CSMD1: variants seen among roughly 807,000 people sequenced by gnomAD.
CSMD1 encodes CUB and Sushi multiple domains 1, also known as CUB and sushi domain-containing protein 1.
CSMD1 carries 213 observed loss-of-function variants against 417.5 expected under a neutral mutation model. The ratio of observed to expected loss-of-function variants is 0.51; its 90% CI spans 0.46 to 0.57. CSMD1 has a LOEUF of 0.57. Ranked by LOEUF, CSMD1 falls within the 20% of genes least tolerant of loss-of-function variation. The pLI, the probability that CSMD1 is intolerant of heterozygous loss-of-function variation, is 0.00. For missense variants in CSMD1, 6,923 were observed against 4,529.7 expected (o/e 1.53, Z -15.17); for synonymous variants, 2,862 against 1,736.8 (o/e 1.65, Z -16.11).
chr8:4,522,930 T>C (rs1803550168), intron 2 of CSMD1, among the ~76,000 whole-genome samples: 2 of 152,202 alleles, frequency 1.3e-5, no homozygotes, highest in Admixed American at 1.3e-4. Context: ...ATTGCTGTTA[T>C]CCTTGCTCTA....
rs76822739 is a variant in CSMD1 at position 3,191,653 on chromosome 8, C to G, written c.5195-1538G>C. Among the ~76,000 whole-genome samples the G allele has an allele frequency of 3.9e-3, 598 of 152,102 alleles. 2 individuals carry two copies. Among genetic ancestry groups the G allele is most frequent in the African/African-American group, 0.013 (542 of 41,474 alleles). On this transcript the variant is annotated intron_variant, in intron 33 of 69. Coordinates refer to ENST00000635120, the MANE Select transcript of CSMD1 (RefSeq NM_033225.6). Reference sequence around the variant, plus strand: ...TCAGTGCAACGTGTGGGTGAGATAACTATTCAGGTTGTATGGCAGAAATTA... The same window carrying G: ...TCAGTGCAACGTGTGGGTGAGATAAGTATTCAGGTTGTATGGCAGAAATTA...
intron 1 of CSMD1, among the ~76,000 whole-genome samples, chr8:4,955,243 C>G (rs1809013680): frequency 1.3e-5 from 2 of 152,122 alleles, no homozygotes; most frequent in Admixed American, 6.5e-5. Flanking sequence ...TGCAATGCAT[C>G]TTTGAAACAC....
intron 2 of CSMD1, among the ~76,000 whole-genome samples, chr8:4,498,911 C>T (rs1457956119): frequency 1.3e-5 from 2 of 152,074 alleles, no homozygotes; most frequent in Admixed American, 6.6e-5. Flanking sequence ...TGATTTAGAT[C>T]ACAGGGCTCA....
intron 1 of CSMD1, among the ~76,000 whole-genome samples, chr8:4,799,530 C>T (rs1349891795): frequency 3.2e-5 from 4 of 124,338 alleles, no homozygotes; most frequent in Admixed American, 2.1e-4. Flanking sequence ...ACCCAGGAGG[C>T]GGAGGTTGCA....
chr8:3,693,071 T>A (rs942121537), intron 7 of CSMD1, among the ~76,000 whole-genome samples: 1 of 152,188 alleles, frequency 6.6e-6, no homozygotes, highest in African/African-American at 2.4e-5. Flanking sequence ...TAATCAGGAA[T>A]ACATTTATTC....
At position 3,512,495 on chromosome 8, in the gene CSMD1, ATGACCACATGAACGGC is replaced by A. The variant is rs1797117666; in HGVS notation, c.1345-18785_1345-18770del. 3.9e-5 allele frequency among the ~76,000 whole-genome samples: 6 copies of A among 152,168 alleles called. No individual in the cohort carries two copies. The South Asian group carries it at 1.0e-3, about 26-fold the overall frequency. On this transcript the variant is annotated intron_variant, in intron 10 of 69. Transcript: ENST00000635120. ...GGATGCTGTAAGAGGCACTGAAAGAATGACCACATGAACGGCTGGGCTGGTGGGCTGGTGGGCTGGT... is the reference window on the plus strand; with the variant it reads ...GGATGCTGTAAGAGGCACTGAAAGAATGGGCTGGTGGGCTGGTGGGCTGGT...
At chr8:4,990,599 T>C (rs1166309665) in intron 1 of CSMD1, among the ~76,000 whole-genome samples, 2 of 152,140 alleles carry the variant, frequency 1.3e-5, no homozygotes, top group African/African-American at 4.8e-5. Flanking sequence ...CCTTTGATGA[T>C]CCACCCACCT....
intron 12 of CSMD1, among the ~76,000 whole-genome samples, chr8:3,438,921 G>C (rs1241756675): frequency 6.6e-6 from 1 of 151,386 alleles, no homozygotes; most frequent in Non-Finnish European, 1.5e-5. Context: ...TTCAAGATGA[G>C]TCTGGCCAAC....
chr8:4,394,229 A>C (rs1804054128), intron 3 of CSMD1, among the ~76,000 whole-genome samples: 2 of 152,198 alleles, frequency 1.3e-5, no homozygotes, highest in Non-Finnish European at 2.9e-5. Flanking sequence ...AAAAACAGTA[A>C]TTATTTTATT....
At position 4,309,443 on chromosome 8, in the gene CSMD1, TTAA is replaced by T. The variant is rs1798437773; in HGVS notation, c.415+110507_415+110509del. ...AATTAAATTCAAAATTTTTATAATT[TTAA>T]TATTATGAAAGACGAGAAAAAATAA... On this transcript the variant is annotated intron_variant, in intron 3 of 69. Coordinates refer to ENST00000635120, the MANE Select transcript of CSMD1 (RefSeq NM_033225.6). 3.3e-5 allele frequency among the ~76,000 whole-genome samples: 5 copies of T among 149,444 alleles called. No individual in the cohort carries two copies. In the South Asian group the frequency reaches 1.0e-3, roughly 31 times the overall value.
chr8:4,382,869 G>C (rs1262538218), intron 3 of CSMD1, among the ~76,000 whole-genome samples: 1 of 152,174 alleles, frequency 6.6e-6, no homozygotes, highest in African/African-American at 2.4e-5. Flanking sequence ...AGGAGCTCAA[G>C]GCGCAGTAAG....
rs1801310052 is a variant in CSMD1, at chr8:4,225,741, A to C, written c.416-193642T>G. Among the ~76,000 whole-genome samples, 5 of 152,134 alleles carry C rather than the reference A, an allele frequency of 3.3e-5. No individual in the cohort carries two copies. In the South Asian group the frequency reaches 1.0e-3, roughly 32 times the overall value. On this transcript the variant is annotated intron_variant, in intron 3 of 69. Transcript: ENST00000635120. The stretch of plus-strand genomic sequence containing the variant: ...AATTGCCACAACATGGCGGCTTCTG[A>C]GTAAAGGTTTCAATGGGGCCAATCT...
At chr8:3,795,034 GATACATAT>G (rs1799967237) in intron 5 of CSMD1, among the ~76,000 whole-genome samples, 1 of 150,002 alleles carries the variant, frequency 6.7e-6, no homozygotes, top group Non-Finnish European at 1.5e-5. Flanking sequence ...TATAGCTATA[GATACATAT>G]CTATCATGTA....
At chr8:3,952,862 G>T (rs867642993) in intron 5 of CSMD1, among the ~76,000 whole-genome samples, 1 of 152,102 alleles carries the variant, frequency 6.6e-6, no homozygotes, top group Non-Finnish European at 1.5e-5. Context: ...GAAAATAAGA[G>T]CAAAAAACAA....
intron 5 of CSMD1, among the ~76,000 whole-genome samples, chr8:3,957,856 G>A (rs368895310): frequency 4.6e-5 from 7 of 152,190 alleles, no homozygotes; most frequent in Non-Finnish European, 1.0e-4. Context: ...GCCCATAAGA[G>A]GCACATTTGG....
At chr8:4,265,118 A>G (rs375490335) in intron 3 of CSMD1, among the ~76,000 whole-genome samples, 2 of 152,282 alleles carry the variant, frequency 1.3e-5, no homozygotes, top group South Asian at 2.1e-4. Context: ...AAGTTGAAAA[A>G]CTGTCCTCTA....
intron 9 of CSMD1, among the ~76,000 whole-genome samples, chr8:3,579,682 C>G (rs891958623): frequency 6.6e-6 from 1 of 152,198 alleles, no homozygotes; most frequent in African/African-American, 2.4e-5. Context: ...TAGTCAGTAG[C>G]TGTCTCATCT....
In CSMD1 at chr8:4,537,002, C is replaced by A. The variant is rs535842911; in HGVS notation, c.302+100340G>T. ...TTTTCATTTCTCTTAACATATCATA[C>A]AAATTTGAGCACGGTCTTATATTAA... On this transcript the variant is annotated intron_variant, in intron 2 of 69. Transcript: ENST00000635120. Among the ~76,000 whole-genome samples, 5 of 152,198 alleles carry A rather than the reference C, an allele frequency of 3.3e-5. No homozygotes were observed. The East Asian group carries it at 7.7e-4, about 24-fold the overall frequency.
At chr8:4,062,348 G>T (rs17068827) in intron 3 of CSMD1, among the ~76,000 whole-genome samples, 1 of 151,836 alleles carries the variant, frequency 6.6e-6, no homozygotes, top group Non-Finnish European at 1.5e-5. Context: ...AGTGGCAGAA[G>T]AATTTTCATT....
Sources: gnomAD v4.1 joint callset for allele counts (sites outside exome capture counted in the v4.1 genomes callset) on GRCh38, gnomAD v4.1.1 for gene constraint, MANE v1.5 for transcripts, NCBI Gene and HGNC (gene_info 2026-07-23, HGNC 2026-07-21) for gene names.